The following RASAL2 variants were observed in gnomAD, a reference collection of about 807,000 sequenced individuals.
RASAL2 encodes the protein RAS protein activator like 2, also known as ras GTPase-activating protein nGAP.
A neutral mutation model predicts 128.9 loss-of-function variants in RASAL2; 58 were observed. That is an observed-to-expected ratio of 0.45 (90% confidence interval 0.36 to 0.56). The LOEUF (loss-of-function observed/expected upper bound fraction) is 0.56. Among genes scored for constraint, RASAL2 ranks in the 20% least tolerant of loss-of-function variants. The probability of loss-of-function intolerance (pLI) is 0.00; values close to 1 mark genes in which losing one functional copy is unlikely to be tolerated. For missense variants in RASAL2, 1,360 were observed against 1,601.6 expected (o/e 0.85, Z 2.57); for synonymous variants, 561 against 580.8 (o/e 0.97, Z 0.49).
At chr1:178,389,170 G>C (rs1672751705) in intron 3 of RASAL2, 1 of 528,898 alleles carries the variant, frequency 1.9e-6, no homozygotes, top group Non-Finnish European at 2.4e-6. Flanking sequence ...CTAAGATCTG[G>C]AAGATAACAC....
intron 1 of RASAL2, among the ~76,000 whole-genome samples, chr1:178,096,813 A>G (rs1658709413): frequency 6.6e-6 from 1 of 152,028 alleles, no homozygotes. Context: ...CCTTCCTCTG[A>G]GGCAGCTCAT....
In RASAL2 at chr1:178,135,409, T is replaced by C. The variant is rs1353811856; in HGVS notation, c.202+40715T>C. Among the ~76,000 whole-genome samples the C allele has an allele frequency of 6.6e-5, 10 of 150,702 alleles. No individual in the cohort carries two copies. In the South Asian group the frequency reaches 1.9e-3, roughly 28 times the overall value. On this transcript the variant is annotated intron_variant, in intron 1 of 17. Coordinates refer to ENST00000367649, the MANE Select transcript of RASAL2 (RefSeq NM_170692.4). ...TCCCCTTGTATTTCCAGAATACTTG[T>C]GAATGGCTTTTTCAAATTAATTTGG...
At chr1:178,160,910 G>A (rs144412504) in intron 1 of RASAL2, among the ~76,000 whole-genome samples, 13 of 152,090 alleles carry the variant, frequency 8.5e-5, no homozygotes, top group Admixed American at 2.6e-4. Context: ...ATGATTTTCC[G>A]AAAGAATTTG....
At chr1:178,393,375 C>T (rs1408720553) in intron 4 of RASAL2, among the ~76,000 whole-genome samples, 2 of 152,192 alleles carry the variant, frequency 1.3e-5, no homozygotes, top group African/African-American at 4.8e-5. Context: ...CAGATCCTCA[C>T]GCAGTAGATT....
intron 2 of RASAL2, among the ~76,000 whole-genome samples, chr1:178,291,803 G>A (rs1170275497): frequency 7.2e-5 from 11 of 152,140 alleles, no homozygotes; most frequent in African/African-American, 1.4e-4. Context: ...TTTGGAGGCC[G>A]AGGCAGGTGG....
Position 178,476,271 on chromosome 1 carries a change from T to G in RASAL2, c.*3032T>G, listed in dbSNP as rs924013175. 21 of 152,304 alleles carry G rather than the reference T, an allele frequency of 1.4e-4. No individual in the cohort carries two copies. The highest frequency in any genetic ancestry group is 3.9e-4 in the African/African-American group (16 of 41,558). 9.4% of individuals were successfully genotyped at this position (152,304 alleles called of 1,614,324 possible). The stretch of plus-strand genomic sequence containing the variant: ...TGACCATTAATGAGGACAGTGTTGG[T>G]AGGAGTCAGAAAAGAGCTTCATATT... On this transcript the variant is annotated 3_prime_UTR_variant, in exon 18 of 18. Coordinates refer to ENST00000367649, the MANE Select transcript of RASAL2 (RefSeq NM_170692.4).
chr1:178,096,628 A>C (rs773484117), intron 1 of RASAL2, among the ~76,000 whole-genome samples: 15 of 151,974 alleles, frequency 9.9e-5, no homozygotes, highest in Non-Finnish European at 2.1e-4. Flanking sequence ...TCAAGACTTC[A>C]TATCAGACAT....
chr1:178,397,521 A>G (rs1223968645), intron 4 of RASAL2, among the ~76,000 whole-genome samples: 1 of 152,198 alleles, frequency 6.6e-6, no homozygotes, highest in Non-Finnish European at 1.5e-5. Context: ...TTCTTTTTAC[A>G]TAATGAAAAT....
chr1:178,469,544 A>C (rs1272872159), intron 17 of RASAL2, among the ~76,000 whole-genome samples: 2 of 152,232 alleles, frequency 1.3e-5, no homozygotes, highest in Non-Finnish European at 2.9e-5. Context: ...ACTTTCTCTC[A>C]GTTAACCAGG....
intron 17 of RASAL2, chr1:178,470,839 G>C: frequency 1.2e-6 from 1 of 819,022 alleles, no homozygotes; most frequent in Admixed American, 2.4e-5. Context: ...CTTCCTGTCA[G>C]GTGTGGACTA....
chr1:178,442,326 A>G (rs1172119609), intron 7 of RASAL2, among the ~76,000 whole-genome samples: 2 of 152,198 alleles, frequency 1.3e-5, no homozygotes, highest in Non-Finnish European at 2.9e-5. Context: ...AGTACATGAT[A>G]GAAGAGGGAC....
chr1:178,457,604 T>G (rs1339413902), intron 13 of RASAL2, 79 bp from the exon 14 acceptor site: 1 of 1,463,558 alleles, frequency 6.8e-7, no homozygotes, highest in African/African-American at 1.4e-5. Context: ...TTCGGAGGAG[T>G]TCATATGCCT....
chr1:178,094,349 G>C lies in RASAL2; in HGVS notation c.-144G>C. ...CGGGCAGTGGGCGACGGGGAAGGAG[G>C]TGAGAGGTGTCCGCGCCGGCTGCCG... On this transcript the variant is annotated 5_prime_UTR_variant, in exon 1 of 18. Transcript: ENST00000367649. 1 of 722,126 alleles carries C rather than the reference G, an allele frequency of 1.4e-6. No homozygotes were observed. Among genetic ancestry groups the C allele is most frequent in the Non-Finnish European group, 2.1e-6 (1 of 465,270 alleles). 44.7% of individuals were successfully genotyped at this position (722,126 alleles called of 1,614,324 possible).
intron 1 of RASAL2, among the ~76,000 whole-genome samples, chr1:178,183,230 C>T (rs1381614884): frequency 6.6e-6 from 1 of 152,248 alleles, no homozygotes; most frequent in Non-Finnish European, 1.5e-5. Flanking sequence ...TTCCCACCCA[C>T]CATCTTCAGT....
At chr1:178,286,060 C>T (rs1056760371) in intron 2 of RASAL2, among the ~76,000 whole-genome samples, 5 of 152,182 alleles carry the variant, frequency 3.3e-5, no homozygotes, top group South Asian at 2.1e-4. Context: ...TCATCCACCA[C>T]GCTGTATGTA....
chr1:178,442,948 C>T lies in RASAL2; in HGVS notation c.1201C>T (p.Pro401Ser). 3 of 1,613,968 alleles carry T rather than the reference C, an allele frequency of 1.9e-6. No individual in the cohort carries two copies. In the South Asian group the frequency reaches 3.3e-5, roughly 18 times the overall value. Residue 401 changes from proline to serine, a missense_variant, in exon 8 of 18, where the codon CCC (proline) becomes TCC (serine). By Grantham distance (74) the Pro-to-Ser change is moderately conservative (BLOSUM62 -1). Coordinates refer to ENST00000367649, the MANE Select transcript of RASAL2 (RefSeq NM_170692.4). ...TAATTATGTAGGGCTAGTCAACATC[C>T]CCACTGCCAGTGTGACTGGTCGCCA... ...KNNYVGLVNI[P>S]TASVTGRQFV... is the part of the protein sequence containing the mutation.
chr1:178,275,928 A>G (rs896174184), intron 1 of RASAL2, among the ~76,000 whole-genome samples: 6 of 152,232 alleles, frequency 3.9e-5, no homozygotes, highest in African/African-American at 1.4e-4. Flanking sequence ...CTAAGGTTAA[A>G]AGACACAATA....
chr1:178,422,479 T>A (rs906130246), intron 5 of RASAL2, among the ~76,000 whole-genome samples: 8 of 152,116 alleles, frequency 5.3e-5, no homozygotes, highest in Non-Finnish European at 1.0e-4. Context: ...TTGTAGAGAT[T>A]TCCTATACAG....
At chr1:178,452,275 A>T (rs959257202) in intron 10 of RASAL2, 141 bp from the exon 11 acceptor site, 21 of 732,772 alleles carry the variant, frequency 2.9e-5, no homozygotes, top group Admixed American at 1.9e-4. Context: ...TGAATCAGGT[A>T]AAACCTCATC....
Sources: gnomAD v4.1 joint callset for allele counts (sites outside exome capture counted in the v4.1 genomes callset) on GRCh38, gnomAD v4.1.1 for gene constraint, MANE v1.5 for transcripts, NCBI Gene and HGNC (gene_info 2026-07-23, HGNC 2026-07-21) for gene names.